The following FRMPD1 variants were observed in gnomAD, a reference collection of about 807,000 sequenced individuals.
The protein encoded by FRMPD1 is FERM and PDZ domain containing 1, also known as FERM and PDZ domain-containing protein 1.
A neutral mutation model predicts 117.8 loss-of-function variants in FRMPD1; 76 were observed. That is an observed-to-expected ratio of 0.65 (90% CI 0.54 to 0.78). FRMPD1 has a LOEUF of 0.78. Ranked by LOEUF, FRMPD1 falls within the 30% of genes least tolerant of loss-of-function variation. FRMPD1 has a pLI of 0.00. For missense variants in FRMPD1, 1,786 were observed against 1,964.5 expected (o/e 0.91, Z 1.72); for synonymous variants, 783 against 770.4 (o/e 1.02, Z -0.27).
At chr9:37,667,078 T>TTTTTTTTTTTTTTTA (rs1588910743) in intron 1 of FRMPD1, among the ~76,000 whole-genome samples, 1 of 149,358 alleles carries the variant, frequency 6.7e-6, no homozygotes, top group African/African-American at 2.5e-5. Flanking sequence ...TTTTTTTTTT[T>TTTTTTTTTTTTTTTA]CCTGAGACAG....
chr9:37,740,617 A>G lies in FRMPD1; in HGVS notation c.2089A>G (p.Arg697Gly). ...PELSTVRLDP[R>G]LYEGSHADYY... Reference sequence around the variant, plus strand: ...ACTGAGCACAGTCAGGCTGGACCCCAGGCTGTATGAAGGCAGCCACGCTGA... The same window carrying G: ...ACTGAGCACAGTCAGGCTGGACCCCGGGCTGTATGAAGGCAGCCACGCTGA... Residue 697 changes from arginine to glycine, a missense_variant, in exon 15 of 16, where the codon AGG becomes GGG. By Grantham distance (125) the Arg-to-Gly change is moderately radical. Transcript: ENST00000377765. The surrounding 1 kb of genome is among the most constrained non-coding windows in gnomAD (Gnocchi z 4.2). 6.2e-7 allele frequency: 1 copy of G among 1,614,176 alleles called. No homozygotes were observed. Among genetic ancestry groups the G allele is most frequent in the Non-Finnish European group, 8.5e-7 (1 of 1,180,022 alleles).
At chr9:37,710,882 C>G (rs904506312) in intron 4 of FRMPD1, among the ~76,000 whole-genome samples, 1 of 150,066 alleles carries the variant, frequency 6.7e-6, no homozygotes, top group Non-Finnish European at 1.5e-5. Flanking sequence ...TCTTTGAACC[C>G]GGGAGGCGGA....
intron 7 of FRMPD1, among the ~76,000 whole-genome samples, chr9:37,727,011 C>T (rs1412065437): frequency 2.0e-5 from 3 of 152,224 alleles, no homozygotes; most frequent in Middle Eastern, 3.4e-3. Context: ...GTGAAGGCAA[C>T]ATCCGGGCAC....
chr9:37,689,553 A>G (rs376136560), intron 1 of FRMPD1, among the ~76,000 whole-genome samples: 2 of 152,278 alleles, frequency 1.3e-5, no homozygotes, highest in East Asian at 3.9e-4. Context: ...TAGGTCTTTT[A>G]TACAGGTGTT....
In FRMPD1 at chr9:37,696,725, A is replaced by G. The variant is rs79905833; in HGVS notation, c.101+3983A>G. Among the ~76,000 whole-genome samples, 2 of 152,358 alleles carry G rather than the reference A, an allele frequency of 1.3e-5. 1 individual carries two copies. The highest frequency in any genetic ancestry group is 4.1e-4 in the South Asian group (2 of 4,830). The stretch of plus-strand genomic sequence containing the variant: ...AAGGAAGTGTATTGAAATGTCCTCT[A>G]TAGTGCAGAAGGAAGAAACACAGAT... On this transcript the variant is annotated intron_variant, in intron 2 of 15. Transcript: ENST00000377765.
At chr9:37,710,545 A>G (rs1004318094) in intron 4 of FRMPD1, among the ~76,000 whole-genome samples, 9 of 152,198 alleles carry the variant, frequency 5.9e-5, no homozygotes, top group African/African-American at 1.9e-4. Context: ...CCCAAACACC[A>G]TAAACTCTTT....
Position 37,717,369 on chromosome 9 carries a change from G to GTGTGTGTGTGTATA in FRMPD1, c.409-1699_409-1698insGTGTGTGTGTATAT, listed in dbSNP as rs1407798527. 1.3e-3 allele frequency among the ~76,000 whole-genome samples: 118 copies of GTGTGTGTGTGTATA among 94,114 alleles called. 3 individuals carry two copies. The highest frequency in any genetic ancestry group is 5.4e-3 in the Middle Eastern group (1 of 186). 61.7% of individuals were successfully genotyped at this position (94,114 alleles called of 152,430 possible). A position where few individuals can be genotyped will look rare whatever the true frequency, so the allele number is the denominator to read the frequency against. On this transcript the variant is annotated intron_variant, in intron 5 of 15. Transcript: ENST00000377765. Reference sequence around the variant, plus strand: ...TGTGTGTGTGTGTGTGTGTGTGTGTGTATATATATATATTTTTTTTTTTTT... The same window carrying GTGTGTGTGTGTATA: ...TGTGTGTGTGTGTGTGTGTGTGTGTGTGTGTGTGTGTATATATATATATATATTTTTTTTTTTTT...
intron 1 of FRMPD1, among the ~76,000 whole-genome samples, chr9:37,651,409 AGCG>A (rs1820671526): frequency 6.6e-6 from 1 of 152,204 alleles, no homozygotes; most frequent in African/African-American, 2.4e-5. Flanking sequence ...GGCCGCGGCC[AGCG>A]CCAACTTTCT....
intron 2 of FRMPD1, among the ~76,000 whole-genome samples, chr9:37,697,213 T>C (rs1033135909): frequency 1.3e-5 from 2 of 152,142 alleles, no homozygotes; most frequent in African/African-American, 4.8e-5. Flanking sequence ...AATGGGAAAT[T>C]GTGCAGATAT....
chr9:37,654,137 G>A (rs909920112), intron 1 of FRMPD1, among the ~76,000 whole-genome samples: 5 of 152,188 alleles, frequency 3.3e-5, no homozygotes, highest in South Asian at 2.1e-4. Context: ...GGAACAAAAG[G>A]CAAGGTCTCT....
chr9:37,634,096 T>C, the FRMPD1 span, among the ~76,000 whole-genome samples: 1 of 152,348 alleles, frequency 6.6e-6, no homozygotes, highest in East Asian at 1.9e-4. Context: ...CTATTATATA[T>C]TAATTTATCA....
At chr9:37,685,520 C>T (rs563036104) in intron 1 of FRMPD1, among the ~76,000 whole-genome samples, 90 of 151,804 alleles carry the variant, frequency 5.9e-4, no homozygotes, top group Middle Eastern at 3.4e-3. Context: ...GGCGTGGTGG[C>T]GGGCGCCTGT....
the FRMPD1 span, among the ~76,000 whole-genome samples, chr9:37,639,007 T>C: frequency 1.3e-5 from 2 of 152,374 alleles, no homozygotes; most frequent in Non-Finnish European, 2.9e-5. Context: ...AACAGTTCCA[T>C]AGGTTAAGTA....
intron 13 of FRMPD1, 58 bp downstream of exon 13, chr9:37,735,792 G>A: frequency 2.5e-6 from 3 of 1,203,034 alleles, no homozygotes; most frequent in South Asian, 1.3e-5. Flanking sequence ...CCAAATAGGG[G>A]CCAGGCTAGT....
the FRMPD1 span, among the ~76,000 whole-genome samples, chr9:37,607,778 C>T: frequency 3.3e-5 from 5 of 152,162 alleles, no homozygotes. Flanking sequence ...TAATGAGAAA[C>T]CTCATGGTTT....
At chr9:37,718,959 T>C (rs1220750548) in intron 5 of FRMPD1, 110 bp from the exon 6 acceptor site, 2 of 685,848 alleles carry the variant, frequency 2.9e-6, no homozygotes, top group East Asian at 2.8e-5. Context: ...TGGGTTTAAA[T>C]TGAATCTGCA....
At chr9:37,629,294 C>A in the FRMPD1 span, among the ~76,000 whole-genome samples, 72 of 152,310 alleles carry the variant, frequency 4.7e-4, no homozygotes, top group Non-Finnish European at 7.8e-4. Flanking sequence ...GATGCACATT[C>A]GAGTTTGAGA....
the FRMPD1 span, among the ~76,000 whole-genome samples, chr9:37,623,493 G>A: frequency 6.6e-6 from 1 of 152,142 alleles, no homozygotes; most frequent in Admixed American, 6.6e-5. Context: ...CAAAGTAAAG[G>A]CCCCTCTAGG....
the FRMPD1 span, among the ~76,000 whole-genome samples, chr9:37,629,221 A>G: frequency 6.6e-6 from 1 of 152,172 alleles, no homozygotes; most frequent in African/African-American, 2.4e-5. Flanking sequence ...AAATTCTACT[A>G]CATCAGAAAC....
Sources: gnomAD v4.1 joint callset for allele counts (sites outside exome capture counted in the v4.1 genomes callset) on GRCh38, gnomAD v4.1.1 for gene constraint, Gnocchi (gnomAD v3.1) non-coding constraint, MANE v1.5 for transcripts, NCBI Gene and HGNC (gene_info 2026-07-23, HGNC 2026-07-21) for gene names.